Variants in CLSTN2 observed in about 807,000 individuals in gnomAD.
CLSTN2 encodes the protein calsyntenin 2, also known as calsyntenin-2.
CLSTN2 carries 48 observed loss-of-function variants against 101.2 expected under a neutral mutation model. That is an observed-to-expected ratio of 0.47 (90% CI 0.38 to 0.60). The LOEUF (loss-of-function observed/expected upper bound fraction) is 0.60. CLSTN2 is among the 20% of genes least tolerant of loss of function. The pLI, the probability that CLSTN2 is intolerant of heterozygous loss-of-function variation, is 0.00. For synonymous variants in CLSTN2, 481 were observed against 463.6 expected, an observed-to-expected ratio of 1.04 and a Z score of -0.48; for missense variants, 1,160 against 1,238.2, an observed-to-expected ratio of 0.94 and a Z score of 0.95.
chr3:140,469,687 G>A (rs781304203), intron 8 of CLSTN2, among the ~76,000 whole-genome samples: 6 of 152,174 alleles, frequency 3.9e-5, no homozygotes, highest in Non-Finnish European at 8.8e-5. Context: ...GGGCACGGTC[G>A]TGTCTTACTC....
At chr3:139,968,803 T>G (rs1935646822) in intron 1 of CLSTN2, among the ~76,000 whole-genome samples, 4 of 152,180 alleles carry the variant, frequency 2.6e-5, no homozygotes, top group African/African-American at 7.2e-5. Context: ...TTAAATATAT[T>G]TTAAGAAACT....
chr3:140,110,201 C>T (rs935569207), intron 1 of CLSTN2, among the ~76,000 whole-genome samples: 1 of 152,168 alleles, frequency 6.6e-6, no homozygotes, highest in African/African-American at 2.4e-5. Flanking sequence ...TTAGATGACT[C>T]AGGGCTTCCA....
At chr3:140,153,950 C>A (rs2009908921) in intron 1 of CLSTN2, among the ~76,000 whole-genome samples, 1 of 152,178 alleles carries the variant, frequency 6.6e-6, no homozygotes, top group African/African-American at 2.4e-5. Context: ...TTCACTGACT[C>A]AGCATATATT....
chr3:140,545,533 T>C (rs1007776525), intron 9 of CLSTN2, among the ~76,000 whole-genome samples: 1 of 152,202 alleles, frequency 6.6e-6, no homozygotes, highest in African/African-American at 2.4e-5. Context: ...CTATGCGTTG[T>C]TCTTCTTCTC....
In CLSTN2 at chr3:140,570,844, C is replaced by T. The variant is rs943766913; in HGVS notation, c.*4591C>T. 7 of 152,248 alleles carry T rather than the reference C, an allele frequency of 4.6e-5. No individual in the cohort carries two copies. The highest frequency in any genetic ancestry group is 5.9e-5 in the Non-Finnish European group (4 of 68,046). 9.4% of individuals were successfully genotyped at this position (152,248 alleles called of 1,614,324 possible). ...CACCATGGAAGTTAGCCTTCCACCTCAGGAGAAAGCAAGCTGCTCTCATAA... is the reference window on the plus strand; with the variant it reads ...CACCATGGAAGTTAGCCTTCCACCTTAGGAGAAAGCAAGCTGCTCTCATAA... On this transcript the variant is annotated 3_prime_UTR_variant, in exon 17 of 17. Transcript: ENST00000458420.
At chr3:140,198,772 T>G (rs531499796) in intron 2 of CLSTN2, among the ~76,000 whole-genome samples, 1 of 152,206 alleles carries the variant, frequency 6.6e-6, no homozygotes, top group Non-Finnish European at 1.5e-5. Context: ...CATTTAAAAA[T>G]GTAAAAACCA....
At chr3:140,016,748 G>A (rs374395189) in intron 1 of CLSTN2, among the ~76,000 whole-genome samples, 2 of 128,438 alleles carry the variant, frequency 1.6e-5, no homozygotes, top group Non-Finnish European at 3.1e-5. Flanking sequence ...GCAGTGAGCC[G>A]AGATCATACT....
At chr3:140,537,133 G>A (rs559947418) in intron 9 of CLSTN2, among the ~76,000 whole-genome samples, 1 of 152,276 alleles carries the variant, frequency 6.6e-6, no homozygotes, top group Admixed American at 6.5e-5. Context: ...TGCAGTTGTG[G>A]GGAGTGTTTC....
intron 1 of CLSTN2, among the ~76,000 whole-genome samples, chr3:139,994,525 G>C: frequency 6.6e-6 from 1 of 152,140 alleles, no homozygotes; most frequent in Non-Finnish European, 1.5e-5. Context: ...TTCTTATATG[G>C]AGACAACTTT....
chr3:140,535,559 G>A (rs1309883232), intron 9 of CLSTN2, among the ~76,000 whole-genome samples: 2 of 152,198 alleles, frequency 1.3e-5, no homozygotes, highest in East Asian at 3.9e-4. Context: ...ATATACGCTA[G>A]GACTGATCTC....
chr3:139,935,385 G>C lies in CLSTN2; in HGVS notation c.11G>C (p.Gly4Ala), dbSNP rs1935001363. The change falls in exon 1 of 17, where the codon GGG becomes GCG. Residue 4 changes from glycine (G) to alanine (A), a missense_variant. Coordinates refer to ENST00000458420, the MANE Select transcript of CLSTN2 (RefSeq NM_022131.3). This position sits in a 1 kb window ranked among gnomAD's most constrained non-coding sequence, Gnocchi z 5.5. Reference sequence around the variant, plus strand: ...GCGGCTGCTGCGAGGATGCTGCCTGGGCGGCTGTGCTGGGTGCCGCTCCTG... The same window carrying C: ...GCGGCTGCTGCGAGGATGCTGCCTGCGCGGCTGTGCTGGGTGCCGCTCCTG... MLPGRLCWVPLLLA... is the reference protein window; with the variant it reads MLPARLCWVPLLLA... The C allele has an allele frequency of 1.5e-5, 19 of 1,229,626 alleles. No individual in the cohort carries two copies. The highest frequency in any genetic ancestry group is 1.8e-5 in the Non-Finnish European group (18 of 986,320). The allele number at this position is 1,229,626 out of a possible 1,614,324, so 76.2% of individuals were successfully genotyped here. A position where few individuals can be genotyped will look rare whatever the true frequency, so the allele number is the denominator to read the frequency against.
intron 1 of CLSTN2, among the ~76,000 whole-genome samples, chr3:139,950,750 T>A (rs1168000844): frequency 6.6e-6 from 1 of 152,132 alleles, no homozygotes; most frequent in East Asian, 1.9e-4. Flanking sequence ...TACAAAGAAA[T>A]TAGAAGTTAA....
intron 4 of CLSTN2, among the ~76,000 whole-genome samples, chr3:140,414,774 T>C (rs1157176337): frequency 6.6e-6 from 1 of 152,086 alleles, no homozygotes; most frequent in Non-Finnish European, 1.5e-5. Flanking sequence ...AGAGACTCAA[T>C]GCAATCTCTA....
At chr3:140,473,860 C>G (rs1933916584) in intron 8 of CLSTN2, among the ~76,000 whole-genome samples, 1 of 152,082 alleles carries the variant, frequency 6.6e-6, no homozygotes, top group East Asian at 1.9e-4. Context: ...CGGGCTCACG[C>G]AATTCTCCTG....
intron 6 of CLSTN2, among the ~76,000 whole-genome samples, chr3:140,450,722 G>GCACATACACA (rs554214244): frequency 1.3e-5 from 2 of 151,830 alleles, no homozygotes; most frequent in African/African-American, 4.8e-5. Flanking sequence ...GTACACACAA[G>GCACATACACA]CACATACACA....
intron 2 of CLSTN2, among the ~76,000 whole-genome samples, chr3:140,317,885 A>G (rs565830638): frequency 6.6e-6 from 1 of 152,278 alleles, no homozygotes; most frequent in South Asian, 2.1e-4. Flanking sequence ...AAGATCATGC[A>G]TTAATTGCTC....
At chr3:140,018,073 A>G (rs1354186545) in intron 1 of CLSTN2, among the ~76,000 whole-genome samples, 1 of 152,222 alleles carries the variant, frequency 6.6e-6, no homozygotes, top group African/African-American at 2.4e-5. Context: ...TGAGAAATGG[A>G]ACAAAAATTA....
At chr3:140,553,031 C>G (rs1935734618) in intron 10 of CLSTN2, among the ~76,000 whole-genome samples, 1 of 152,224 alleles carries the variant, frequency 6.6e-6, no homozygotes, top group Non-Finnish European at 1.5e-5. Flanking sequence ...GCACTCTAAG[C>G]TGGTGAGGCC....
intron 8 of CLSTN2, among the ~76,000 whole-genome samples, chr3:140,493,236 A>G (rs1420803386): frequency 6.6e-6 from 1 of 152,182 alleles, no homozygotes; most frequent in East Asian, 1.9e-4. Flanking sequence ...CGGGATGAAA[A>G]TGTGATTTGC....
Sources: allele counts gnomAD v4.1 joint callset (sites outside exome capture counted in the v4.1 genomes callset), GRCh38; gene constraint gnomAD v4.1.1; non-coding constraint Gnocchi (gnomAD v3.1); transcripts MANE v1.5; gene names NCBI Gene and HGNC (gene_info 2026-07-23, HGNC 2026-07-21).